UBE2E1: variants seen among roughly 807,000 people sequenced by gnomAD.
The protein encoded by UBE2E1 is ubiquitin-conjugating enzyme E2 E1.
UBE2E1 carries 6 observed loss-of-function variants against 21.4 expected under a neutral mutation model. That is an observed-to-expected ratio of 0.28 (90% CI 0.15 to 0.55). UBE2E1 has a LOEUF of 0.55. Ranked by LOEUF, UBE2E1 falls within the 20% of genes least tolerant of loss-of-function variation. The pLI is 0.93. For missense variants in UBE2E1, 142 were observed against 236.5 expected, an observed-to-expected ratio of 0.60 and a Z score of 2.62; for synonymous variants, 87 against 82.7, an observed-to-expected ratio of 1.05 and a Z score of -0.28.
intron 3 of UBE2E1, among the ~76,000 whole-genome samples, chr3:23,872,360 G>C (rs147934886): frequency 6.6e-6 from 1 of 151,886 alleles, no homozygotes; most frequent in South Asian, 2.1e-4. Context: ...GAGGGAGACC[G>C]TGGAAAGAGG....
intron 3 of UBE2E1, among the ~76,000 whole-genome samples, chr3:23,840,060 C>G (rs1333272147): frequency 6.6e-6 from 1 of 151,928 alleles, no homozygotes; most frequent in Non-Finnish European, 1.5e-5. Flanking sequence ...TCTTATTTTT[C>G]CTTTGCATAG....
chr3:23,864,622 C>T (rs148186687), intron 3 of UBE2E1, among the ~76,000 whole-genome samples: 110 of 152,226 alleles, frequency 7.2e-4, no homozygotes, highest in African/African-American at 2.5e-3. Context: ...TTCATAAGTG[C>T]AATGTATTCT....
chr3:23,866,093 A>G (rs1700650004), intron 3 of UBE2E1, among the ~76,000 whole-genome samples: 1 of 151,712 alleles, frequency 6.6e-6, no homozygotes, highest in African/African-American at 2.4e-5. Flanking sequence ...GCATAACCTC[A>G]CTCATTCAGT....
intron 5 of UBE2E1, chr3:23,889,681 T>G: frequency 1.0e-6 from 1 of 985,386 alleles, no homozygotes; most frequent in Non-Finnish European, 1.2e-6. Context: ...TGGCACTCAA[T>G]TTTGAAAATG....
chr3:23,829,550 C>T (rs1421536339), intron 3 of UBE2E1, among the ~76,000 whole-genome samples: 1 of 152,080 alleles, frequency 6.6e-6, no homozygotes, highest in African/African-American at 2.4e-5. Flanking sequence ...AGTCCTTCTG[C>T]CTCAACCTCC....
intron 3 of UBE2E1, among the ~76,000 whole-genome samples, chr3:23,832,424 C>G (rs1699886670): frequency 6.6e-6 from 1 of 152,128 alleles, no homozygotes; most frequent in Admixed American, 6.5e-5. Context: ...GTGGGCAGAT[C>G]ACCTGAGCTC....
In UBE2E1 at chr3:23,810,293, C is replaced by T; in HGVS notation, c.153-1167C>T. On this transcript the variant is annotated intron_variant, in intron 2 of 5. Coordinates refer to ENST00000306627, the MANE Select transcript of UBE2E1 (RefSeq NM_003341.5). The surrounding 1 kb of genome is among the most constrained non-coding windows in gnomAD (Gnocchi z 5.8). ...AAGAAGCTTAGAGGCCCTAAACTGT[C>T]GTATTAATTGATGCTCTAAGTGCCT... 1.4e-6 allele frequency: 1 copy of T among 716,276 alleles called. No homozygotes were observed. The highest frequency in any genetic ancestry group is 2.7e-4 in the Middle Eastern group (1 of 3,760). 44.4% of individuals were successfully genotyped at this position (716,276 alleles called of 1,614,324 possible). A position where few individuals can be genotyped will look rare whatever the true frequency, so the allele number is the denominator to read the frequency against.
intron 4 of UBE2E1, among the ~76,000 whole-genome samples, chr3:23,888,864 A>T (rs1303829770): frequency 6.6e-6 from 1 of 152,262 alleles, no homozygotes; most frequent in Non-Finnish European, 1.5e-5. Context: ...TATTTAAAAG[A>T]TTTAAAATTG....
At chr3:23,828,761 C>T (rs1699806593) in intron 3 of UBE2E1, among the ~76,000 whole-genome samples, 1 of 152,188 alleles carries the variant, frequency 6.6e-6, no homozygotes, top group African/African-American at 2.4e-5. Flanking sequence ...TCGTTAATGA[C>T]CTAAGATGTA....
chr3:23,831,387 T>G (rs1261963695), intron 3 of UBE2E1, among the ~76,000 whole-genome samples: 1 of 152,200 alleles, frequency 6.6e-6, no homozygotes, highest in African/African-American at 2.4e-5. Flanking sequence ...GTAAAACTCT[T>G]GGGCGAGGGA....
intron 3 of UBE2E1, among the ~76,000 whole-genome samples, chr3:23,830,726 G>A (rs550348153): frequency 1.3e-5 from 2 of 152,312 alleles, no homozygotes; most frequent in Admixed American, 6.5e-5. Flanking sequence ...TGCTCTCTGT[G>A]TATCATGTGT....
intron 3 of UBE2E1, among the ~76,000 whole-genome samples, chr3:23,818,627 G>A (rs1699577409): frequency 6.6e-6 from 1 of 152,180 alleles, no homozygotes; most frequent in Non-Finnish European, 1.5e-5. Flanking sequence ...ATTTGAAAGT[G>A]AGCATTTTGA....
At chr3:23,826,122 T>TA (rs1200570689) in intron 3 of UBE2E1, among the ~76,000 whole-genome samples, 1 of 152,250 alleles carries the variant, frequency 6.6e-6, no homozygotes, top group Non-Finnish European at 1.5e-5. Context: ...AGATACTCTG[T>TA]AAAACTTTTT....
chr3:23,872,597 G>GTTAACA (rs200088488), intron 3 of UBE2E1, among the ~76,000 whole-genome samples: 2,115 of 152,098 alleles, frequency 0.014, 55 homozygotes, highest in African/African-American at 0.049. Context: ...TGATTATATG[G>GTTAACA]TTAACAGTTA....
At chr3:23,837,886 A>G (rs145584169) in intron 3 of UBE2E1, among the ~76,000 whole-genome samples, 2 of 152,258 alleles carry the variant, frequency 1.3e-5, no homozygotes, top group East Asian at 1.9e-4. Flanking sequence ...AATCTTGACC[A>G]TGCTGTTGGG....
intron 3 of UBE2E1, among the ~76,000 whole-genome samples, chr3:23,868,217 C>T (rs1383751977): frequency 6.6e-6 from 1 of 152,116 alleles, no homozygotes; most frequent in Non-Finnish European, 1.5e-5. Context: ...ACTTAGTATC[C>T]CCCCCACCTT....
chr3:23,811,193 C>T (rs1422501398), intron 2 of UBE2E1, among the ~76,000 whole-genome samples: 1 of 152,148 alleles, frequency 6.6e-6, no homozygotes, highest in Non-Finnish European at 1.5e-5. Flanking sequence ...TGGAAAACAC[C>T]GAGGAATAGA....
At chr3:23,807,052 A>C in intron 1 of UBE2E1, 185 bp from the exon 2 acceptor site, 1 of 467,006 alleles carries the variant, frequency 2.1e-6, no homozygotes, top group Non-Finnish European at 3.7e-6. Flanking sequence ...ACTTGGGGCC[A>C]AAAATAAACA....
intron 3 of UBE2E1, among the ~76,000 whole-genome samples, chr3:23,825,211 A>G (rs1699729641): frequency 6.6e-6 from 1 of 152,190 alleles, no homozygotes; most frequent in African/African-American, 2.4e-5. Flanking sequence ...TGGGGTGGGC[A>G]GGGCAGTCTC....
Sources: gnomAD v4.1 joint callset for allele counts (sites outside exome capture counted in the v4.1 genomes callset) on GRCh38, gnomAD v4.1.1 for gene constraint, Gnocchi (gnomAD v3.1) non-coding constraint, MANE v1.5 for transcripts, NCBI Gene and HGNC (gene_info 2026-07-23, HGNC 2026-07-21) for gene names.